Variants in NCKAP5L observed in about 807,000 individuals in gnomAD.
NCKAP5L encodes NCK associated protein 5 like.
In NCKAP5L, 54 loss-of-function variants were observed where a neutral mutation model predicts 103.2. The ratio of observed to expected loss-of-function variants is 0.52; its 90% CI spans 0.42 to 0.66. NCKAP5L has a LOEUF of 0.66. Ranked by LOEUF, NCKAP5L falls within the 30% of genes least tolerant of loss-of-function variation. The probability of loss-of-function intolerance (pLI) is 0.00; values close to 1 mark genes in which losing one functional copy is unlikely to be tolerated. For synonymous variants in NCKAP5L, 762 were observed against 748.6 expected, an observed-to-expected ratio of 1.02 and a Z score of -0.29; for missense variants, 1,733 against 1,750.6, an observed-to-expected ratio of 0.99 and a Z score of 0.18.
chr12:49,813,091 G>A (rs779272622), intron 1 of NCKAP5L, among the ~76,000 whole-genome samples: 57 of 152,156 alleles, frequency 3.7e-4, no homozygotes, highest in East Asian at 1.5e-3. Flanking sequence ...ACAGTTGGTT[G>A]GACCCTGCAA....
chr12:49,821,241 A>C (rs60268875), intron 1 of NCKAP5L, among the ~76,000 whole-genome samples: 40,635 of 151,954 alleles, frequency 0.27, 9,465 homozygotes, highest in East Asian at 0.68. Context: ...AGGAAGTGAG[A>C]AGCAAACCCC....
chr12:49,812,877 G>A (rs1705537864), intron 1 of NCKAP5L, among the ~76,000 whole-genome samples: 2 of 152,060 alleles, frequency 1.3e-5, no homozygotes, highest in South Asian at 2.1e-4. Context: ...ATCTGAGGAC[G>A]CTCAAGTCCC....
intron 6 of NCKAP5L, among the ~76,000 whole-genome samples, chr12:49,798,945 CAT>C (rs1360856180): frequency 6.6e-6 from 1 of 152,182 alleles, no homozygotes; most frequent in African/African-American, 2.4e-5. Flanking sequence ...TACCTGGTCT[CAT>C]GTGGAACATC....
At chr12:49,802,842 G>C in intron 5 of NCKAP5L, 116 bp downstream of exon 5, 1 of 1,274,704 alleles carries the variant, frequency 7.8e-7, no homozygotes, top group East Asian at 2.5e-5. Flanking sequence ...CGCCCAAGGC[G>C]GAAAGACGGG....
rs938794155 is a variant in NCKAP5L at position 49,797,901 on chromosome 12, C to T, written c.465+449G>A. On this transcript the variant is annotated intron_variant, in intron 7 of 12. Transcript: ENST00000335999. The surrounding 1 kb of genome is among the most constrained non-coding windows in gnomAD (Gnocchi z 4.5). The stretch of plus-strand genomic sequence containing the variant: ...AGCAGAAAGGGGTTGGGGGTGACGC[C>T]ATGCCCAGCCCTTTCTCAGGTGTAG... 4.6e-5 allele frequency among the ~76,000 whole-genome samples: 7 copies of T among 152,186 alleles called. No individual in the cohort carries two copies. Among genetic ancestry groups the T allele is most frequent in the Admixed American group, 1.3e-4 (2 of 15,268 alleles).
chr12:49,808,474 G>T (rs1309291117), intron 1 of NCKAP5L, among the ~76,000 whole-genome samples: 1 of 152,202 alleles, frequency 6.6e-6, no homozygotes, highest in Non-Finnish European at 1.5e-5. Context: ...AGGAGCACGG[G>T]CCATGAGAGT....
chr12:49,804,159 G>C (rs1160499477), intron 2 of NCKAP5L, 79 bp from the exon 3 acceptor site: 4 of 1,384,742 alleles, frequency 2.9e-6, no homozygotes, highest in Non-Finnish European at 2.9e-6. Flanking sequence ...GCTTAGGTCA[G>C]TGTGACCTAT....
intron 1 of NCKAP5L, among the ~76,000 whole-genome samples, chr12:49,826,587 T>G (rs1323505482): frequency 6.6e-6 from 1 of 152,148 alleles, no homozygotes; most frequent in African/African-American, 2.4e-5. Flanking sequence ...CCCCTATAGA[T>G]TCACCCATCA....
At chr12:49,827,902 C>G (rs1281393120) in intron 1 of NCKAP5L, among the ~76,000 whole-genome samples, 7 of 152,356 alleles carry the variant, frequency 4.6e-5, no homozygotes, top group Middle Eastern at 3.4e-3. Flanking sequence ...AGCCCCTCCC[C>G]CCGCAATAAC....
rs556718910 is a variant in NCKAP5L at position 49,791,630 on chromosome 12, C to T, written c.*209G>A. 101 of 478,572 alleles carry T rather than the reference C, an allele frequency of 2.1e-4. No individual in the cohort carries two copies. The highest frequency in any genetic ancestry group is 5.5e-5 in the Non-Finnish European group (15 of 272,086). The allele number at this position is 478,572 out of a possible 1,614,324, so 29.6% of individuals were successfully genotyped here. A position where few individuals can be genotyped will look rare whatever the true frequency, so the allele number is the denominator to read the frequency against. On this transcript the variant is annotated 3_prime_UTR_variant, in exon 13 of 13. Coordinates refer to ENST00000335999, the MANE Select transcript of NCKAP5L (RefSeq NM_001037806.4). Reference sequence around the variant, plus strand: ...TCTGGGTGAGAGAAGGGACCAAGGGCGGGGTCTCTCCCTGAGCTGAGCACG... The same window carrying T: ...TCTGGGTGAGAGAAGGGACCAAGGGTGGGGTCTCTCCCTGAGCTGAGCACG...
At chr12:49,818,139 A>T (rs997930717) in intron 1 of NCKAP5L, among the ~76,000 whole-genome samples, 1 of 151,972 alleles carries the variant, frequency 6.6e-6, no homozygotes, top group Non-Finnish European at 1.5e-5. Context: ...CTTGGAAAAA[A>T]AAAAAAACAA....
At chr12:49,811,212 C>T (rs1946236192) in intron 1 of NCKAP5L, among the ~76,000 whole-genome samples, 1 of 152,164 alleles carries the variant, frequency 6.6e-6, no homozygotes, top group South Asian at 2.1e-4. Flanking sequence ...TGCTTACGCG[C>T]TCTCTCACTC....
chr12:49,810,179 TG>T (rs1565593415), intron 1 of NCKAP5L, among the ~76,000 whole-genome samples: 1 of 11,138 alleles, frequency 9.0e-5, no homozygotes, highest in African/African-American at 3.6e-4. Flanking sequence ...CTGCCGGGGG[TG>T]GGGGGAGGGA....
At chr12:49,822,880 A>G (rs1213245608) in intron 1 of NCKAP5L, among the ~76,000 whole-genome samples, 1 of 152,190 alleles carries the variant, frequency 6.6e-6, no homozygotes, top group Non-Finnish European at 1.5e-5. Context: ...AACCTGATGA[A>G]AAAATAAAAC....
rs1945938870 is a variant in NCKAP5L, at chr12:49,791,818, G to A, written c.*21C>T. 2 of 1,553,606 alleles carry A rather than the reference G, an allele frequency of 1.3e-6. No homozygotes were observed. Among genetic ancestry groups the A allele is most frequent in the Admixed American group, 1.9e-5 (1 of 53,128 alleles). On this transcript the variant is annotated 3_prime_UTR_variant, in exon 13 of 13. Coordinates refer to ENST00000335999, the MANE Select transcript of NCKAP5L (RefSeq NM_001037806.4). ...GTCTGTGGTCCCCAGCTCCAGCGGG[G>A]CCGTGGCGTGGCGCAGCCCCTCAGC...
In NCKAP5L at chr12:49,800,144, G is replaced by A. The variant is rs564732421; in HGVS notation, c.352-1681C>T. On this transcript the variant is annotated intron_variant, in intron 6 of 12. Transcript: ENST00000335999. ...CGGGAGGCAGAGGTTGCGGTGAGCC[G>A]AGATCGCGCCATTGCACTCCAGCCT... Among the ~76,000 whole-genome samples the A allele has an allele frequency of 4.6e-5, 7 of 152,344 alleles. 1 individual carries two copies. In the East Asian group the frequency reaches 1.3e-3, roughly 29 times the overall value.
Position 49,796,681 on chromosome 12 carries a change from G to T in NCKAP5L, c.1179C>A (p.Phe393Leu), listed in dbSNP as rs770836857. ...GCCCCTGGCCCTCTGAGGTAGCACCGAAGCCTGGCCTGTGGGCCTCTGGGG... is the reference window on the plus strand; with the variant it reads ...GCCCCTGGCCCTCTGAGGTAGCACCTAAGCCTGGCCTGTGGGCCTCTGGGG... ...GGTPEAHRPG[F>L]GATSEGQGPL... The change falls in exon 8 of 13, where the codon TTC becomes TTA. Residue 393 changes from phenylalanine (F) to leucine (L), a missense_variant. Phe to Leu is a conservative substitution (Grantham distance 22). Transcript: ENST00000335999. The T allele has an allele frequency of 8.2e-6, 13 of 1,587,672 alleles. No individual in the cohort carries two copies. Among genetic ancestry groups the T allele is most frequent in the Non-Finnish European group, 1.1e-5 (13 of 1,168,028 alleles).
intron 1 of NCKAP5L, among the ~76,000 whole-genome samples, chr12:49,824,538 T>C (rs1946395374): frequency 6.6e-6 from 1 of 152,188 alleles, no homozygotes; most frequent in Non-Finnish European, 1.5e-5. Flanking sequence ...CCAGTTGGCG[T>C]CTGCCCTCCA....
chr12:49,793,524 A>C, intron 9 of NCKAP5L, 91 bp from the exon 10 acceptor site: 2 of 1,394,110 alleles, frequency 1.4e-6, no homozygotes, highest in South Asian at 1.3e-5. Context: ...GTCTGTAAAC[A>C]TATGAGAGTA....
Sources: allele counts gnomAD v4.1 joint callset (sites outside exome capture counted in the v4.1 genomes callset), GRCh38; gene constraint gnomAD v4.1.1; non-coding constraint Gnocchi (gnomAD v3.1); transcripts MANE v1.5; gene names NCBI Gene and HGNC (gene_info 2026-07-23, HGNC 2026-07-21).